SAMD3: variants seen among roughly 807,000 people sequenced by gnomAD.
SAMD3 encodes the protein sterile alpha motif domain containing 3.
Under a neutral mutation model 58.5 loss-of-function variants are expected in SAMD3, and 63 were observed. The observed-to-expected ratio is 1.08, with a 90% confidence interval of 0.88 to 1.33. The LOEUF is 1.33. Ranked by LOEUF, SAMD3 falls within the 40% of genes most tolerant of loss-of-function variation. The probability of loss-of-function intolerance (pLI) is 0.00; values close to 1 mark genes in which losing one functional copy is unlikely to be tolerated. For missense variants in SAMD3, 604 were observed against 608.4 expected, an observed-to-expected ratio of 0.99 and a Z score of 0.08; for synonymous variants, 220 against 210.3, an observed-to-expected ratio of 1.05 and a Z score of -0.40.
chr6:130,289,155 G>T (rs535791300), intron 2 of SAMD3, among the ~76,000 whole-genome samples: 1 of 152,226 alleles, frequency 6.6e-6, no homozygotes, highest in South Asian at 2.1e-4. Flanking sequence ...TTGTTGTTGA[G>T]GCTACTTTAA....
chr6:130,194,087 C>T (rs563335144), intron 5 of SAMD3, among the ~76,000 whole-genome samples: 94 of 152,286 alleles, frequency 6.2e-4, no homozygotes, highest in African/African-American at 2.2e-3. Context: ...TTTATCACCA[C>T]CCCTCCTCAC....
intron 9 of SAMD3, 129 bp downstream of exon 9, chr6:130,154,695 GA>G (rs145408019): frequency 0.014 from 1,542 of 107,686 alleles, 3 homozygotes; most frequent in Non-Finnish European, 0.018. Context: ...GACTCTGTCT[GA>G]AAAAAAAAAA....
intron 2 of SAMD3, among the ~76,000 whole-genome samples, chr6:130,265,183 C>T (rs964041169): frequency 3.9e-5 from 6 of 152,220 alleles, no homozygotes; most frequent in African/African-American, 9.7e-5. Context: ...CTAAACCCCG[C>T]CACCTTGCTC....
intron 2 of SAMD3, among the ~76,000 whole-genome samples, chr6:130,286,589 T>C (rs1310711402): frequency 2.0e-5 from 3 of 152,220 alleles, no homozygotes; most frequent in African/African-American, 7.2e-5. Flanking sequence ...GGCCTACTCA[T>C]TGAAAATTAC....
chr6:130,203,338 T>C (rs974989374), intron 5 of SAMD3, among the ~76,000 whole-genome samples: 16 of 152,234 alleles, frequency 1.1e-4, no homozygotes, highest in African/African-American at 3.9e-4. Flanking sequence ...AGTAAGGTTA[T>C]ATAACTTGTC....
intron 1 of SAMD3, among the ~76,000 whole-genome samples, chr6:130,326,752 G>A (rs906287668): frequency 6.6e-6 from 1 of 152,134 alleles, no homozygotes; most frequent in Admixed American, 6.5e-5. Flanking sequence ...GAGTACAGCT[G>A]TACACATTGT....
chr6:130,149,688 A>G (rs542299347), intron 9 of SAMD3, among the ~76,000 whole-genome samples: 2 of 152,298 alleles, frequency 1.3e-5, no homozygotes, highest in Admixed American at 6.5e-5. Flanking sequence ...AAAGAAGGGA[A>G]CAATAGACCC....
chr6:130,190,317 A>AT (rs1793416777), intron 5 of SAMD3, among the ~76,000 whole-genome samples: 1 of 151,386 alleles, frequency 6.6e-6, no homozygotes, highest in Non-Finnish European at 1.5e-5. Flanking sequence ...GTAACGTACA[A>AT]AAAAAAAACC....
At chr6:130,263,233 C>T (rs1410473018) in intron 2 of SAMD3, among the ~76,000 whole-genome samples, 1 of 152,068 alleles carries the variant, frequency 6.6e-6, no homozygotes, top group Non-Finnish European at 1.5e-5. Flanking sequence ...AAGTCCACTG[C>T]CAAGGTCCCC....
chr6:130,308,219 G>C (rs1775973498), intron 2 of SAMD3, among the ~76,000 whole-genome samples: 1 of 151,992 alleles, frequency 6.6e-6, no homozygotes, highest in Non-Finnish European at 1.5e-5. Context: ...AGAAATTCCT[G>C]GGGTATGAGG....
At chr6:130,350,313 C>T (rs1777612418) in intron 1 of SAMD3, among the ~76,000 whole-genome samples, 1 of 152,068 alleles carries the variant, frequency 6.6e-6, no homozygotes. Flanking sequence ...GATTGTATAT[C>T]TAGAAAACCC....
chr6:130,308,886 T>A lies in SAMD3; in HGVS notation c.-188+4092A>T, dbSNP rs555290047. Among the ~76,000 whole-genome samples, 15 of 152,282 alleles carry A rather than the reference T, an allele frequency of 9.9e-5. No homozygotes were observed. The South Asian group carries it at 3.1e-3, about 32-fold the overall frequency. The stretch of plus-strand genomic sequence containing the variant: ...TTTATTGAGAATGAGTGCATGGTGA[T>A]CTTTAATGAAATAATTCATAATTCT... On this transcript the variant is annotated intron_variant, in intron 2 of 13. Coordinates refer to the SAMD3 transcript ENST00000368134.
intron 2 of SAMD3, among the ~76,000 whole-genome samples, chr6:130,295,320 T>A (rs1775534665): frequency 1.3e-5 from 2 of 152,180 alleles, no homozygotes; most frequent in Admixed American, 1.3e-4. Flanking sequence ...TTGAAGGTAT[T>A]GACTCACATC....
At chr6:130,191,822 T>C (rs1250890399) in intron 5 of SAMD3, among the ~76,000 whole-genome samples, 1 of 152,230 alleles carries the variant, frequency 6.6e-6, no homozygotes, top group Non-Finnish European at 1.5e-5. Context: ...ATTTGAATTC[T>C]TCATATTTAC....
At chr6:130,208,923 C>T (rs1300532141) in intron 5 of SAMD3, among the ~76,000 whole-genome samples, 1 of 152,158 alleles carries the variant, frequency 6.6e-6, no homozygotes, top group African/African-American at 2.4e-5. Flanking sequence ...CATATCTTAC[C>T]TATGACCATC....
intron 5 of SAMD3, among the ~76,000 whole-genome samples, chr6:130,195,279 C>T (rs1294995274): frequency 6.6e-6 from 1 of 152,094 alleles, no homozygotes; most frequent in African/African-American, 2.4e-5. Flanking sequence ...ATTATGCACC[C>T]CTTACCATCT....
intron 1 of SAMD3, among the ~76,000 whole-genome samples, chr6:130,352,005 T>C (rs1017202240): frequency 5.0e-5 from 7 of 140,574 alleles, no homozygotes; most frequent in African/African-American, 1.9e-4. Flanking sequence ...TAGGTGGGAA[T>C]TGAACAATGA....
intron 5 of SAMD3, among the ~76,000 whole-genome samples, chr6:130,186,425 G>A (rs117682494): frequency 0.037 from 5,600 of 152,022 alleles, 134 homozygotes; most frequent in Non-Finnish European, 0.049. Flanking sequence ...CCCCTTTGGC[G>A]GTCCCTACTA....
At position 130,209,551 on chromosome 6, in the gene SAMD3, G is replaced by A. The variant is rs748637154; in HGVS notation, c.327C>T (p.Phe109=). The A allele has an allele frequency of 8.7e-6, 14 of 1,613,864 alleles. No homozygotes were observed. The highest frequency in any genetic ancestry group is 3.3e-5 in the South Asian group (3 of 91,074). Residue 109 remains phenylalanine (F), a synonymous_variant, in exon 5 of 12, where the codon TTC becomes TTT. Coordinates refer to ENST00000439090, the MANE Select transcript of SAMD3 (RefSeq NM_001017373.4). ...CATTATCAAGGTTTTCAGCTGGATA[G>A]AAAGATGGCATCTGCTCCCCATGCC... ...PARHGEQMPS[F]YPAENLDNGL... is the part of the protein sequence containing the mutation.
Sources: gnomAD v4.1 joint callset for allele counts (sites outside exome capture counted in the v4.1 genomes callset) on GRCh38, gnomAD v4.1.1 for gene constraint, MANE v1.5 for transcripts, NCBI Gene and HGNC (gene_info 2026-07-23, HGNC 2026-07-21) for gene names.